The following DENND1A variants were observed in gnomAD, a reference collection of about 807,000 sequenced individuals.
DENND1A encodes the protein DENN domain containing 1A.
In DENND1A, 51 loss-of-function variants were observed where a neutral mutation model predicts 113.7. That is an observed-to-expected ratio of 0.45 (90% CI 0.36 to 0.57). DENND1A has a LOEUF of 0.57. DENND1A is among the 20% of genes least tolerant of loss of function. DENND1A has a pLI of 0.00. For synonymous variants in DENND1A, 565 were observed against 570.8 expected, an observed-to-expected ratio of 0.99 and a Z score of 0.14; for missense variants, 1,258 against 1,395.9, an observed-to-expected ratio of 0.90 and a Z score of 1.57.
chr9:123,873,735 T>G (rs1847006873), intron 2 of DENND1A, among the ~76,000 whole-genome samples: 1 of 151,942 alleles, frequency 6.6e-6, no homozygotes, highest in African/African-American at 2.4e-5. Flanking sequence ...AAAGGCAAAA[T>G]TATCTATCTC....
At chr9:123,788,155 C>G (rs940978159) in intron 3 of DENND1A, among the ~76,000 whole-genome samples, 2 of 152,086 alleles carry the variant, frequency 1.3e-5, no homozygotes, top group Admixed American at 1.3e-4. Context: ...ATTGTGAGGA[C>G]AAATTATTAA....
At chr9:123,879,906 G>A (rs780941880) in intron 1 of DENND1A, among the ~76,000 whole-genome samples, 8 of 152,154 alleles carry the variant, frequency 5.3e-5, no homozygotes, top group East Asian at 1.9e-4. Context: ...ATAAGTTCAC[G>A]ATCTTCAGGA....
intron 5 of DENND1A, among the ~76,000 whole-genome samples, chr9:123,743,779 T>C (rs2131152322): frequency 6.6e-6 from 1 of 151,810 alleles, no homozygotes; most frequent in East Asian, 1.9e-4. Context: ...ATTAAAAATA[T>C]ATATACCTCG....
At chr9:123,725,911 CA>C (rs1465361745) in intron 5 of DENND1A, among the ~76,000 whole-genome samples, 4 of 152,204 alleles carry the variant, frequency 2.6e-5, no homozygotes, top group African/African-American at 9.6e-5. Context: ...AGGTAAACAA[CA>C]AACAACAAAA....
rs1363119474 is a variant in DENND1A, at chr9:123,383,855, T to A, written c.1819A>T (p.Ser607Cys). 5 of 1,613,524 alleles carry A rather than the reference T, an allele frequency of 3.1e-6. No individual in the cohort carries two copies. The East Asian group carries it at 8.9e-5, about 29-fold the overall frequency. Residue 607 changes from serine to cysteine, a missense_variant, in exon 23 of 24, where the codon AGT becomes TGT. Physicochemically the swap from Ser to Cys is moderately radical, Grantham distance 112. Transcript: ENST00000394215. ...GACTTCCGCACTTGCTGCTCTGGAC[T>A]CTCTGCCTCGTCGCCTTCCGCGCTG... is the stretch of plus-strand genomic sequence containing the variant. ...SDSAEGDEAESPEQQVRKSTG... is the reference protein window; with the variant it reads ...SDSAEGDEAECPEQQVRKSTG...
At chr9:123,526,173 A>G (rs1232812566) in intron 13 of DENND1A, among the ~76,000 whole-genome samples, 1 of 151,146 alleles carries the variant, frequency 6.6e-6, no homozygotes, top group Non-Finnish European at 1.5e-5. Context: ...GCACATGTGC[A>G]CACACACACA....
At chr9:123,840,827 G>A (rs995352308) in intron 2 of DENND1A, among the ~76,000 whole-genome samples, 4 of 152,100 alleles carry the variant, frequency 2.6e-5, no homozygotes, top group African/African-American at 9.7e-5. Flanking sequence ...AAACAGTCTC[G>A]TGTGACATTT....
At chr9:123,524,325 C>G (rs561554340) in intron 13 of DENND1A, among the ~76,000 whole-genome samples, 1 of 152,296 alleles carries the variant, frequency 6.6e-6, no homozygotes, top group African/African-American at 2.4e-5. Flanking sequence ...TAAAAGGATT[C>G]AAAACCTCTT....
intron 5 of DENND1A, among the ~76,000 whole-genome samples, chr9:123,754,365 C>T (rs139344333): frequency 2.6e-5 from 4 of 152,266 alleles, no homozygotes; most frequent in Admixed American, 6.5e-5. Context: ...CCAAACCCAA[C>T]AGAGGGAAAG....
At chr9:123,823,454 C>A (rs1838820717) in intron 2 of DENND1A, among the ~76,000 whole-genome samples, 1 of 151,974 alleles carries the variant, frequency 6.6e-6, no homozygotes. Context: ...CACAAGGGAG[C>A]CAGAGGTAAG....
At chr9:123,637,455 A>C (rs2061764677) in intron 9 of DENND1A, among the ~76,000 whole-genome samples, 1 of 152,074 alleles carries the variant, frequency 6.6e-6, no homozygotes. Flanking sequence ...TTTTGTTTTG[A>C]TTATAATTTA....
intron 20 of DENND1A, among the ~76,000 whole-genome samples, chr9:123,410,469 G>A (rs761900957): frequency 1.3e-5 from 2 of 152,208 alleles, no homozygotes; most frequent in Admixed American, 6.5e-5. Flanking sequence ...ATGGAGATAC[G>A]GGATGGATCC....
chr9:123,564,973 G>A, intron 12 of DENND1A, among the ~76,000 whole-genome samples: 1 of 131,352 alleles, frequency 7.6e-6, no homozygotes, highest in Non-Finnish European at 1.6e-5. Flanking sequence ...ATTAATGTCT[G>A]TCCCTTCTTT....
At chr9:123,415,639 C>A (rs143722044) in intron 19 of DENND1A, among the ~76,000 whole-genome samples, 1 of 152,316 alleles carries the variant, frequency 6.6e-6, no homozygotes, top group East Asian at 1.9e-4. Flanking sequence ...CTGCTCCCAC[C>A]GCAGGGTCTC....
intron 21 of DENND1A, among the ~76,000 whole-genome samples, chr9:123,390,979 C>G (rs1392858473): frequency 6.6e-6 from 1 of 152,272 alleles, no homozygotes; most frequent in African/African-American, 2.4e-5. Context: ...CCGGCTTCAC[C>G]CAGGAGCGAG....
intron 13 of DENND1A, among the ~76,000 whole-genome samples, chr9:123,540,529 T>C (rs972091536): frequency 1.3e-5 from 2 of 152,214 alleles, no homozygotes; most frequent in African/African-American, 2.4e-5. Context: ...AGCCACTCCC[T>C]GGAGCATCAC....
At chr9:123,607,543 A>AGTGTGTGTGT (rs1270262038) in intron 11 of DENND1A, among the ~76,000 whole-genome samples, 17 of 123,388 alleles carry the variant, frequency 1.4e-4, no homozygotes, top group African/African-American at 4.7e-4. Context: ...AGAGAGAGAG[A>AGTGTGTGTGT]GAGAGTGTGT....
At chr9:123,773,313 C>T (rs1830006244) in intron 3 of DENND1A, among the ~76,000 whole-genome samples, 1 of 152,168 alleles carries the variant, frequency 6.6e-6, no homozygotes, top group Non-Finnish European at 1.5e-5. Context: ...ACGCTGGATA[C>T]ACTTGCAAAT....
At chr9:123,725,266 A>G (rs919473282) in intron 5 of DENND1A, among the ~76,000 whole-genome samples, 8 of 152,372 alleles carry the variant, frequency 5.3e-5, no homozygotes, top group East Asian at 1.9e-4. Context: ...GCTAAAATTC[A>G]GTGACAGAGA....
Sources: allele counts gnomAD v4.1 joint callset (sites outside exome capture counted in the v4.1 genomes callset), GRCh38; gene constraint gnomAD v4.1.1; transcripts MANE v1.5; gene names NCBI Gene and HGNC (gene_info 2026-07-23, HGNC 2026-07-21).